The following SLC38A8 variants were observed in gnomAD, a reference collection of about 807,000 sequenced individuals.
SLC38A8 encodes the protein solute carrier family 38 member 8.
In SLC38A8, 65 loss-of-function variants were observed where a neutral mutation model predicts 46.0. That is an observed-to-expected ratio of 1.41 (90% CI 1.16 to 1.74). SLC38A8 has a LOEUF of 1.74. Ranked by LOEUF, SLC38A8 falls within the 40% of genes most tolerant of loss-of-function variation. The pLI is 0.00. For missense variants in SLC38A8, 998 were observed against 567.9 expected, an observed-to-expected ratio of 1.76 and a Z score of -7.70; for synonymous variants, 447 against 243.7, an observed-to-expected ratio of 1.83 and a Z score of -7.77.
At chr16:84,011,499 G>A (rs182546128) in intron 10 of SLC38A8, among the ~76,000 whole-genome samples, 8 of 152,296 alleles carry the variant, frequency 5.3e-5, no homozygotes, top group Non-Finnish European at 1.0e-4. Flanking sequence ...AGGGCCGGGG[G>A]TATAGGGGAA....
intron 6 of SLC38A8, among the ~76,000 whole-genome samples, chr16:84,025,170 G>A (rs560483519): frequency 2.5e-4 from 38 of 151,994 alleles, no homozygotes; most frequent in Middle Eastern, 3.4e-3. Context: ...GCTTTTTCCG[G>A]ACACACTGGT....
intron 7 of SLC38A8, among the ~76,000 whole-genome samples, chr16:84,019,159 G>C (rs9935978): frequency 0.65 from 98,911 of 151,700 alleles, 33,228 homozygotes; most frequent in African/African-American, 0.81. Context: ...ACTGCAACCT[G>C]TGCCTTCCAG....
At chr16:84,035,066 G>A (rs372937112) in intron 3 of SLC38A8, among the ~76,000 whole-genome samples, 26 of 152,078 alleles carry the variant, frequency 1.7e-4, no homozygotes, top group Admixed American at 4.6e-4. Context: ...ACACAAGAAC[G>A]CTCTCTCCAC....
chr16:84,023,845 G>C (rs771256481), intron 6 of SLC38A8, among the ~76,000 whole-genome samples: 18 of 152,250 alleles, frequency 1.2e-4, no homozygotes, highest in Non-Finnish European at 1.8e-4. Context: ...AGTGAGCCAA[G>C]ATCGTGCCAC....
intron 7 of SLC38A8, among the ~76,000 whole-genome samples, chr16:84,022,214 A>C (rs776289340): frequency 6.6e-6 from 1 of 152,228 alleles, no homozygotes; most frequent in Non-Finnish European, 1.5e-5. Context: ...ACGTTGGTGA[A>C]TGAAAAAAGA....
At chr16:84,037,768 A>AG (rs2085317691) in intron 2 of SLC38A8, among the ~76,000 whole-genome samples, 2 of 119,856 alleles carry the variant, frequency 1.7e-5, no homozygotes, top group Non-Finnish European at 3.5e-5. Context: ...CCGAAAAAAA[A>AG]AAAAGAGAAA....
Position 84,009,705 on chromosome 16 carries a change from A to T in SLC38A8, c.*79T>A. 1.6e-6 allele frequency: 2 copies of T among 1,216,858 alleles called. No homozygotes were observed. Among genetic ancestry groups the T allele is most frequent in the Non-Finnish European group, 2.3e-6 (2 of 862,212 alleles). The allele number at this position is 1,216,858 out of a possible 1,614,324, so 75.4% of individuals were successfully genotyped here. Reference sequence around the variant, plus strand: ...CATCTTTATGAGGAAAAGAAATGGCATCGGTCTCCTGGCTGCATACAGCAG... The same window carrying T: ...CATCTTTATGAGGAAAAGAAATGGCTTCGGTCTCCTGGCTGCATACAGCAG... On this transcript the variant is annotated 3_prime_UTR_variant, in exon 11 of 11. Coordinates refer to ENST00000299709, the MANE Select transcript of SLC38A8 (RefSeq NM_001080442.3).
chr16:84,012,053 G>A (rs2084960753), intron 10 of SLC38A8, among the ~76,000 whole-genome samples: 1 of 152,120 alleles, frequency 6.6e-6, no homozygotes, highest in Non-Finnish European at 1.5e-5. Flanking sequence ...CCAACACCTT[G>A]ATTTCACACT....
intron 4 of SLC38A8, among the ~76,000 whole-genome samples, chr16:84,032,399 G>A (rs183251058): frequency 6.0e-4 from 91 of 152,324 alleles, no homozygotes; most frequent in African/African-American, 2.1e-3. Flanking sequence ...GTGTTGGTCA[G>A]GCTGGTTTTG....
chr16:84,015,947 G>A (rs2085019980), intron 9 of SLC38A8, among the ~76,000 whole-genome samples: 1 of 152,206 alleles, frequency 6.6e-6, no homozygotes, highest in Non-Finnish European at 1.5e-5. Context: ...CCAAAGTGCT[G>A]GGATTACAGG....
intron 7 of SLC38A8, 64 bp downstream of exon 7, chr16:84,022,711 G>T: frequency 2.4e-6 from 3 of 1,237,290 alleles, no homozygotes; most frequent in Non-Finnish European, 2.3e-6. Context: ...AGAGATACTC[G>T]CTGTTACTCT....
Position 84,009,780 on chromosome 16 carries a change from C to T in SLC38A8, c.*4G>A. 6.2e-7 allele frequency: 1 copy of T among 1,613,030 alleles called. No individual in the cohort carries two copies. Among genetic ancestry groups the T allele is most frequent in the African/African-American group, 1.3e-5 (1 of 74,976 alleles). ...GCCCCTTCCTGCCCGGCACTAGCTGCCCATCAGAACATCTCCCAGACCGCT... is the reference window on the plus strand; with the variant it reads ...GCCCCTTCCTGCCCGGCACTAGCTGTCCATCAGAACATCTCCCAGACCGCT... On this transcript the variant is annotated 3_prime_UTR_variant, in exon 11 of 11. Coordinates refer to ENST00000299709, the MANE Select transcript of SLC38A8 (RefSeq NM_001080442.3).
intron 9 of SLC38A8, among the ~76,000 whole-genome samples, chr16:84,015,395 C>T (rs1030932218): frequency 1.3e-5 from 2 of 152,182 alleles, no homozygotes; most frequent in East Asian, 1.9e-4. Flanking sequence ...GTGTTTGCCT[C>T]CAGGGCCTGG....
intron 9 of SLC38A8, among the ~76,000 whole-genome samples, chr16:84,014,422 G>T (rs925399426): frequency 6.8e-6 from 1 of 146,718 alleles, no homozygotes; most frequent in Admixed American, 6.8e-5. Context: ...AGGAGCAGCT[G>T]TGTGGCCACA....
At chr16:84,034,911 A>G (rs1553817) in intron 3 of SLC38A8, among the ~76,000 whole-genome samples, 95,673 of 151,900 alleles carry the variant, frequency 0.63, 30,778 homozygotes, top group East Asian at 0.85. Flanking sequence ...GCGTTCCCGG[A>G]TGCTTGAGAT....
chr16:84,013,907 C>A (rs7199727), intron 9 of SLC38A8, among the ~76,000 whole-genome samples: 32,525 of 151,950 alleles, frequency 0.21, 9,008 homozygotes, highest in African/African-American at 0.65. Flanking sequence ...ATCTAACAGC[C>A]CAGACCAGGG....
chr16:84,024,559 T>A (rs12929798), intron 6 of SLC38A8, among the ~76,000 whole-genome samples: 2 of 151,794 alleles, frequency 1.3e-5, no homozygotes, highest in Non-Finnish European at 2.9e-5. Flanking sequence ...GGCGTGTGGA[T>A]CACCTGAGGT....
Position 84,019,937 on chromosome 16 carries a change from T to C in SLC38A8, c.806-2650A>G, listed in dbSNP as rs116698518. Among the ~76,000 whole-genome samples the C allele has an allele frequency of 1.8e-3, 271 of 152,364 alleles. 1 individual carries two copies. Among genetic ancestry groups the C allele is most frequent in the African/African-American group, 6.2e-3 (258 of 41,594 alleles). ...GGACACACTGAGGCAACCCCACTCC[T>C]ACGGCTTTGCCGGGTACAGCCCACG... On this transcript the variant is annotated intron_variant, in intron 7 of 10. Transcript: ENST00000299709.
At chr16:84,037,079 C>G (rs1216297826) in intron 2 of SLC38A8, among the ~76,000 whole-genome samples, 179 bp from the exon 3 acceptor site, 2 of 152,210 alleles carry the variant, frequency 1.3e-5, no homozygotes, top group African/African-American at 4.8e-5. Flanking sequence ...CCCCACCCCA[C>G]CTATCCTGAA....
Sources: allele counts gnomAD v4.1 joint callset (sites outside exome capture counted in the v4.1 genomes callset), GRCh38; gene constraint gnomAD v4.1.1; transcripts MANE v1.5; gene names NCBI Gene and HGNC (gene_info 2026-07-23, HGNC 2026-07-21).